Variants in NMNAT2 observed in about 807,000 individuals in gnomAD.
NMNAT2 encodes the protein nicotinamide/nicotinic acid mononucleotide adenylyltransferase 2.
Under a neutral mutation model 41.6 loss-of-function variants are expected in NMNAT2, and 11 were observed. The observed-to-expected ratio is 0.26, with a 90% CI of 0.17 to 0.44. The LOEUF is 0.44. Ranked by LOEUF, NMNAT2 falls within the 20% of genes least tolerant of loss-of-function variation. The probability of loss-of-function intolerance (pLI) is 1.00; values close to 1 mark genes in which losing one functional copy is unlikely to be tolerated. For synonymous variants in NMNAT2, 148 were observed against 151.2 expected, an observed-to-expected ratio of 0.98 and a Z score of 0.16; for missense variants, 288 against 407.7, an observed-to-expected ratio of 0.71 and a Z score of 2.53.
In NMNAT2 at chr1:183,293,333, G is replaced by A. The variant is rs369558464; in HGVS notation, c.174+372C>T. On this transcript the variant is annotated intron_variant, in intron 2 of 10. Coordinates refer to ENST00000287713, the MANE Select transcript of NMNAT2 (RefSeq NM_015039.4). ...AATCAGATTATAAAAGGCATAGGCC[G>A]TTTTCTCCTAAAATCCTGAGAAGAC... 4.6e-5 allele frequency among the ~76,000 whole-genome samples: 7 copies of A among 152,360 alleles called. No individual in the cohort carries two copies. In the South Asian group the frequency reaches 1.2e-3, roughly 27 times the overall value.
At chr1:183,379,989 C>T (rs1422532089) in intron 1 of NMNAT2, among the ~76,000 whole-genome samples, 1 of 152,178 alleles carries the variant, frequency 6.6e-6, no homozygotes, top group African/African-American at 2.4e-5. Context: ...AATTGTACTT[C>T]GATGTTCTGC....
At position 183,365,009 on chromosome 1, in the gene NMNAT2, A is replaced by T. The variant is rs185905266; in HGVS notation, c.85+53174T>A. On this transcript the variant is annotated intron_variant, in intron 1 of 10. Coordinates refer to ENST00000287713, the MANE Select transcript of NMNAT2 (RefSeq NM_015039.4). ...TCCACCCAGTGCCCCATGAACAGGA[A>T]CCTCAACCTTCTCTAGGCCTCCATT... Among the ~76,000 whole-genome samples the T allele has an allele frequency of 3.9e-4, 60 of 152,232 alleles. 2 individuals are homozygous for T. The East Asian group carries it at 0.011, about 27-fold the overall frequency.
chr1:183,320,597 A>G (rs1025057705), intron 1 of NMNAT2, among the ~76,000 whole-genome samples: 5 of 152,194 alleles, frequency 3.3e-5, no homozygotes, highest in African/African-American at 9.7e-5. Flanking sequence ...GCGAGACTCC[A>G]TCTCAAGAAT....
intron 1 of NMNAT2, among the ~76,000 whole-genome samples, chr1:183,411,143 T>A (rs2492287): frequency 0.034 from 5,235 of 152,242 alleles, 219 homozygotes; most frequent in African/African-American, 0.11. Flanking sequence ...GTTCCCACTT[T>A]ACCTCATTCT....
At chr1:183,325,930 C>T (rs1044390537) in intron 1 of NMNAT2, among the ~76,000 whole-genome samples, 1 of 152,170 alleles carries the variant, frequency 6.6e-6, no homozygotes, top group African/African-American at 2.4e-5. Flanking sequence ...CAGACATGGT[C>T]CCTGCCATGT....
chr1:183,283,979 T>A lies in NMNAT2; in HGVS notation c.574+16A>T, dbSNP rs1375944648. On this transcript the variant is annotated intron_variant, in intron 7 of 10. Coordinates refer to ENST00000287713, the MANE Select transcript of NMNAT2 (RefSeq NM_015039.4). Reference sequence around the variant, plus strand: ...CCAAATGTCCCCATTTTCCGCACTTTCGCAGTCCCACTCACCAATCTCTTC... The same window carrying A: ...CCAAATGTCCCCATTTTCCGCACTTACGCAGTCCCACTCACCAATCTCTTC... The A allele has an allele frequency of 1.9e-6, 3 of 1,613,692 alleles. No homozygotes were observed. The Admixed American group carries it at 5.0e-5, about 27-fold the overall frequency.
At chr1:183,303,125 T>A (rs942383888) in intron 1 of NMNAT2, among the ~76,000 whole-genome samples, 2 of 152,202 alleles carry the variant, frequency 1.3e-5, no homozygotes, top group African/African-American at 4.8e-5. Flanking sequence ...TGAAGCCTCC[T>A]TTTCTTGGCT....
chr1:183,372,262 C>A (rs1431317782), intron 1 of NMNAT2, among the ~76,000 whole-genome samples: 1 of 152,152 alleles, frequency 6.6e-6, no homozygotes, highest in African/African-American at 2.4e-5. Context: ...AAATTAGAAG[C>A]AGAGGCTATC....
intron 1 of NMNAT2, among the ~76,000 whole-genome samples, chr1:183,350,009 C>CT (rs1191931537): frequency 1.3e-5 from 2 of 152,186 alleles, no homozygotes; most frequent in Non-Finnish European, 2.9e-5. Context: ...CCTGGACTTG[C>CT]TGTGTAACCT....
At chr1:183,285,644 G>C (rs1272604668) in intron 5 of NMNAT2, among the ~76,000 whole-genome samples, 3 of 152,116 alleles carry the variant, frequency 2.0e-5, no homozygotes, top group Admixed American at 2.0e-4. Context: ...TCTTGGAGTT[G>C]GCTTGAAGAA....
At chr1:183,378,632 A>G (rs1041409508) in intron 1 of NMNAT2, among the ~76,000 whole-genome samples, 10 of 152,148 alleles carry the variant, frequency 6.6e-5, no homozygotes, top group Non-Finnish European at 1.5e-4. Flanking sequence ...AGACAGAAAA[A>G]GAAAATGGAA....
chr1:183,288,316 T>A (rs1661446307), intron 4 of NMNAT2, among the ~76,000 whole-genome samples: 1 of 152,192 alleles, frequency 6.6e-6, no homozygotes, highest in Non-Finnish European at 1.5e-5. Flanking sequence ...CATGCATCTA[T>A]CTCTGCGGCA....
chr1:183,381,362 A>G (rs1663800531), intron 1 of NMNAT2, among the ~76,000 whole-genome samples: 1 of 152,192 alleles, frequency 6.6e-6, no homozygotes, highest in South Asian at 2.1e-4. Flanking sequence ...AGCCAATAGC[A>G]CATACAATAA....
At chr1:183,290,901 C>T (rs534060700) in intron 3 of NMNAT2, among the ~76,000 whole-genome samples, 42 of 152,286 alleles carry the variant, frequency 2.8e-4, no homozygotes, top group Middle Eastern at 6.8e-3. Context: ...TGAGGCAGCA[C>T]TGGGGCTTAA....
rs148315128 is a variant in NMNAT2, at chr1:183,318,942, A to G, written c.86-25149T>C. Among the ~76,000 whole-genome samples, 10 of 152,338 alleles carry G rather than the reference A, an allele frequency of 6.6e-5. No individual in the cohort carries two copies. The East Asian group carries it at 1.7e-3, about 26-fold the overall frequency. ...GAGGTGGTATCATTAAGCACAATTT[A>G]TAGATGAGAAGTTAAGGACTTGCTT... is the stretch of plus-strand genomic sequence containing the variant. On this transcript the variant is annotated intron_variant, in intron 1 of 10. Coordinates refer to ENST00000287713, the MANE Select transcript of NMNAT2 (RefSeq NM_015039.4).
chr1:183,410,157 CAAAA>C (rs57169849), intron 1 of NMNAT2, among the ~76,000 whole-genome samples: 1 of 128,692 alleles, frequency 7.8e-6, no homozygotes. Flanking sequence ...AAAATAATAC[CAAAA>C]AAAAAAAAAA....
At chr1:183,314,886 A>G (rs1662207241) in intron 1 of NMNAT2, among the ~76,000 whole-genome samples, 1 of 152,210 alleles carries the variant, frequency 6.6e-6, no homozygotes, top group Admixed American at 6.5e-5. Context: ...CTTTAAAGAC[A>G]AACCAACCAA....
rs1481719300 is a variant in NMNAT2 at position 183,251,887 on chromosome 1, A to G, written c.*754T>C. 4 of 163,278 alleles carry G rather than the reference A, an allele frequency of 2.4e-5. No homozygotes were observed. The highest frequency in any genetic ancestry group is 3.2e-4 in the South Asian group (2 of 6,216). The allele number at this position is 163,278 out of a possible 1,614,324, so 10.1% of individuals were successfully genotyped here. ...TGCTGCTGCTGCTGCTGCTACTGCT[A>G]TATGTGTGTGTGTATGTGCGTGCGC... On this transcript the variant is annotated 3_prime_UTR_variant, in exon 11 of 11. Transcript: ENST00000287713.
chr1:183,416,415 A>G (rs1481704331), intron 1 of NMNAT2, among the ~76,000 whole-genome samples: 4 of 152,234 alleles, frequency 2.6e-5, no homozygotes, highest in South Asian at 4.1e-4. Flanking sequence ...AAGCGCATCA[A>G]CATAAAGTGC....
Sources: allele counts gnomAD v4.1 joint callset (sites outside exome capture counted in the v4.1 genomes callset), GRCh38; gene constraint gnomAD v4.1.1; transcripts MANE v1.5; gene names NCBI Gene and HGNC (gene_info 2026-07-23, HGNC 2026-07-21).